Variants in AKT2 observed in about 807,000 individuals in gnomAD.
The protein encoded by AKT2 is RAC-beta serine/threonine-protein kinase.
In AKT2, 16 loss-of-function variants were observed where a neutral mutation model predicts 58.6. That is an observed-to-expected ratio of 0.27 (90% CI 0.18 to 0.41). The LOEUF is 0.41. Ranked by LOEUF, AKT2 falls within the 10% of genes least tolerant of loss-of-function variation. The pLI is 1.00. For synonymous variants in AKT2, 253 were observed against 254.0 expected, an observed-to-expected ratio of 1.00 and a Z score of 0.04; for missense variants, 438 against 661.0, an observed-to-expected ratio of 0.66 and a Z score of 3.70.
At chr19:40,239,861 C>A (rs1974279372) in intron 7 of AKT2, 184 bp downstream of exon 7, 2 of 740,330 alleles carry the variant, frequency 2.7e-6, no homozygotes, top group Non-Finnish European at 4.8e-6. Context: ...CCCTCCCACT[C>A]CCCGAGCCTG....
chr19:40,282,467 T>C (rs1320572529), intron 1 of AKT2: 2 of 497,900 alleles, frequency 4.0e-6, no homozygotes, highest in African/African-American at 3.9e-5. Context: ...AAAGGATGCC[T>C]TGCCTCCACT....
intron 1 of AKT2, among the ~76,000 whole-genome samples, chr19:40,283,446 G>A (rs910132958): frequency 1.3e-5 from 2 of 152,158 alleles, no homozygotes; most frequent in African/African-American, 4.8e-5. Context: ...CACAGACTGT[G>A]GGACCTTTCT....
chr19:40,270,685 G>C (rs530599838), intron 1 of AKT2: 1 of 152,240 alleles, frequency 6.6e-6, no homozygotes, highest in South Asian at 2.1e-4. Flanking sequence ...TTTCCACAGC[G>C]CCCGGAGGAA....
At position 40,231,611 on chromosome 19, in the gene AKT2, A is replaced by G. The variant is rs1973704473; in HGVS notation, c.*2261T>C. 1.3e-5 allele frequency: 3 copies of G among 233,354 alleles called. No homozygotes were observed. In the South Asian group the frequency reaches 5.4e-4, roughly 42 times the overall value. The allele number at this position is 233,354 out of a possible 1,614,324, so 14.5% of individuals were successfully genotyped here. On this transcript the variant is annotated 3_prime_UTR_variant, in exon 14 of 14. Transcript: ENST00000392038. ...TTCATCTGTGCCAGGCCCTCTGCACAGCAGGGCTCAGCAGGGCAGGCCAGG... is the reference window on the plus strand; with the variant it reads ...TTCATCTGTGCCAGGCCCTCTGCACGGCAGGGCTCAGCAGGGCAGGCCAGG...
intron 1 of AKT2, 106 bp from the exon 2 acceptor site, chr19:40,265,457 C>A: frequency 6.9e-7 from 1 of 1,453,242 alleles, no homozygotes; most frequent in Non-Finnish European, 9.2e-7. Context: ...GCCCACTCAG[C>A]AAAGGGTAAG....
intron 3 of AKT2, among the ~76,000 whole-genome samples, chr19:40,256,621 C>A (rs1219191594): frequency 6.6e-6 from 1 of 152,178 alleles, no homozygotes; most frequent in Non-Finnish European, 1.5e-5. Context: ...ATGGGAGGCA[C>A]CTGCCACCAG....
At chr19:40,255,905 A>G (rs1049612715) in intron 3 of AKT2, among the ~76,000 whole-genome samples, 2 of 152,192 alleles carry the variant, frequency 1.3e-5, no homozygotes, top group Non-Finnish European at 1.5e-5. Context: ...GGAGGTTGGA[A>G]GGCCAGGGAG....
At chr19:40,270,557 T>G (rs1390224788) in intron 1 of AKT2, 1 of 152,312 alleles carries the variant, frequency 6.6e-6, no homozygotes, top group Non-Finnish European at 1.5e-5. Context: ...AGCAGAGATC[T>G]GCGTCTCTTG....
At position 40,255,594 on chromosome 19, in the gene AKT2, C is replaced by G. The variant is rs1406108371; in HGVS notation, c.176-325G>C. Among the ~76,000 whole-genome samples the G allele has an allele frequency of 3.9e-5, 6 of 152,288 alleles. No individual in the cohort carries two copies. In the East Asian group the frequency reaches 1.2e-3, roughly 29 times the overall value. On this transcript the variant is annotated intron_variant, in intron 3 of 13. Transcript: ENST00000392038. The stretch of plus-strand genomic sequence containing the variant: ...GGGCTTCCCAGAGGAAGCAGCTTCT[C>G]TGAACTAAGCCCTGAAGGAAAAGGG...
chr19:40,235,251 A>G lies in AKT2; in HGVS notation c.1263+12T>C, dbSNP rs1973944976. On this transcript the variant is annotated intron_variant, in intron 12 of 13. Coordinates refer to ENST00000392038, the MANE Select transcript of AKT2 (RefSeq NM_001626.6). This position sits in a 1 kb window ranked among gnomAD's most constrained non-coding sequence, Gnocchi z 6.3. ...CCCTGAGGGTCCTGCTGGGGCAAGC[A>G]GTGGGGCTCACCTTCTTCTGGACCA... The G allele has an allele frequency of 6.8e-6, 11 of 1,614,072 alleles. No individual in the cohort carries two copies. Among genetic ancestry groups the G allele is most frequent in the Non-Finnish European group, 9.3e-6 (11 of 1,179,996 alleles).
Position 40,241,930 on chromosome 19 carries a change from G to A in AKT2, c.573+8C>T, listed in dbSNP as rs200843500. On this transcript the variant is annotated splice_region_variant and intron_variant, in intron 6 of 13. Transcript: ENST00000392038. ...GAGGCTCGCGAGCGCAATTCCCGGG[G>A]CACGCACCTTGGCAATGATGACTTC... The A allele has an allele frequency of 3.5e-5, 56 of 1,613,688 alleles. No individual in the cohort carries two copies. In the East Asian group the frequency reaches 5.3e-4, roughly 15 times the overall value.
intron 1 of AKT2, among the ~76,000 whole-genome samples, chr19:40,276,757 T>C (rs1428426452): frequency 6.6e-6 from 1 of 152,122 alleles, no homozygotes; most frequent in South Asian, 2.1e-4. Context: ...GATTCACGCC[T>C]GTAATCCCAG....
rs2304186 is a variant in AKT2, at chr19:40,233,814, G to A, written c.*58C>T. On this transcript the variant is annotated 3_prime_UTR_variant, in exon 14 of 14. Coordinates refer to ENST00000392038, the MANE Select transcript of AKT2 (RefSeq NM_001626.6). The surrounding 1 kb of genome is among the most constrained non-coding windows in gnomAD (Gnocchi z 4.3). Reference sequence around the variant, plus strand: ...AAAAGGCTAAGTAAAAAGTTAGGGGGAAAAAACCACCCAGCGGTGATGGCA... The same window carrying A: ...AAAAGGCTAAGTAAAAAGTTAGGGGAAAAAAACCACCCAGCGGTGATGGCA... The A allele has an allele frequency of 6.3e-6, 10 of 1,574,958 alleles. No individual in the cohort carries two copies. The South Asian group carries it at 1.0e-4, about 16-fold the overall frequency.
chr19:40,278,125 G>A (rs887461958), intron 1 of AKT2, among the ~76,000 whole-genome samples: 6 of 152,226 alleles, frequency 3.9e-5, no homozygotes, highest in African/African-American at 1.4e-4. Context: ...CTGTCTAGGA[G>A]AAGAGAAAGC....
chr19:40,248,908 G>C (rs62107565), intron 4 of AKT2, among the ~76,000 whole-genome samples: 59 of 55,246 alleles, frequency 1.1e-3, no homozygotes, highest in African/African-American at 2.5e-3. Flanking sequence ...GAGATGAGGA[G>C]AGAGAGGAGT....
At chr19:40,282,730 A>G in intron 1 of AKT2, 1 of 346,684 alleles carries the variant, frequency 2.9e-6, no homozygotes, top group Non-Finnish European at 5.9e-6. Flanking sequence ...AGGGTCTGAT[A>G]AGATGCGGTG....
intron 1 of AKT2, chr19:40,268,634 C>T (rs543665962): frequency 6.5e-6 from 1 of 152,694 alleles, no homozygotes; most frequent in African/African-American, 2.4e-5. Flanking sequence ...CTGCTGGGAT[C>T]AACAGAGCTG....
At position 40,242,739 on chromosome 19, in the gene AKT2, G is replaced by A; in HGVS notation, c.288-52C>T. 1 of 1,597,322 alleles carries A rather than the reference G, an allele frequency of 6.3e-7. No individual in the cohort carries two copies. The highest frequency in any genetic ancestry group is 8.5e-7 in the Non-Finnish European group (1 of 1,175,370). ...GCAGCCAGGAGTCCTGGGCCTCAGA[G>A]TCGAACAGCTGAGTGCCACCTCCCA... On this transcript the variant is annotated intron_variant, in intron 4 of 13. Transcript: ENST00000392038. The surrounding 1 kb of genome is among the most constrained non-coding windows in gnomAD (Gnocchi z 4.3).
At chr19:40,247,211 A>G (rs562939836) in intron 4 of AKT2, among the ~76,000 whole-genome samples, 1 of 152,328 alleles carries the variant, frequency 6.6e-6, no homozygotes, top group Admixed American at 6.5e-5. Context: ...GTCTGGGGCA[A>G]AGGGGAGCTC....
Sources: allele counts gnomAD v4.1 joint callset (sites outside exome capture counted in the v4.1 genomes callset), GRCh38; gene constraint gnomAD v4.1.1; non-coding constraint Gnocchi (gnomAD v3.1); transcripts MANE v1.5; gene names NCBI Gene and HGNC (gene_info 2026-07-23, HGNC 2026-07-21).